Variants in BRCA1 observed in about 807,000 individuals in gnomAD.
BRCA1 encodes breast cancer type 1 susceptibility protein.
A neutral mutation model predicts 173.7 loss-of-function variants in BRCA1; 140 were observed. That is an observed-to-expected ratio of 0.81 (90% confidence interval 0.70 to 0.93). The LOEUF (loss-of-function observed/expected upper bound fraction) is 0.93. Ranked by LOEUF, BRCA1 falls within the 40% of genes least tolerant of loss-of-function variation. The pLI, the probability that BRCA1 is intolerant of heterozygous loss-of-function variation, is 0.00. For missense variants in BRCA1, 1,983 were observed against 2,172.5 expected (o/e 0.91, Z 1.73); for synonymous variants, 662 against 756.0 (o/e 0.88, Z 2.04).
intron 16 of BRCA1, among the ~76,000 whole-genome samples, chr17:43,066,350 T>A (rs2052069082): frequency 6.6e-6 from 1 of 152,176 alleles, no homozygotes; most frequent in Admixed American, 6.6e-5. Flanking sequence ...TGAAAAACTC[T>A]CAACAATACT....
chr17:43,117,410 C>G (rs1480784904), intron 2 of BRCA1, among the ~76,000 whole-genome samples: 1 of 152,052 alleles, frequency 6.6e-6, no homozygotes, highest in Admixed American at 6.6e-5. Flanking sequence ...TGCCACTGCA[C>G]TCCAGCCTAG....
At chr17:43,144,270 GC>G in intron 1 of BRCA1, 1 of 302,000 alleles carries the variant, frequency 3.3e-6, no homozygotes. Context: ...AGGGCGAAAA[GC>G]CCCCTACCAT....
intron 1 of BRCA1, chr17:43,139,721 CTGT>C (rs2056059990): frequency 1.6e-5 from 6 of 381,586 alleles, no homozygotes; most frequent in African/African-American, 4.2e-5. Flanking sequence ...GGCCCAGTGT[CTGT>C]TGTTCCCTTC....
intron 3 of BRCA1, among the ~76,000 whole-genome samples, chr17:43,114,817 T>C (rs1248351075): frequency 3.9e-5 from 6 of 152,180 alleles, no homozygotes; most frequent in African/African-American, 1.4e-4. Flanking sequence ...ATGTGAGCCA[T>C]AGCTTAACAT....
At chr17:43,053,474 A>G (rs1315896245) in intron 19 of BRCA1, among the ~76,000 whole-genome samples, 1 of 151,790 alleles carries the variant, frequency 6.6e-6, no homozygotes, top group East Asian at 2.0e-4. Context: ...CATCCCGTCT[A>G]ACACAGTGAA....
intron 17 of BRCA1, 80 bp from the exon 18 acceptor site, chr17:43,063,453 C>T (rs2051883393): frequency 8.9e-7 from 1 of 1,128,060 alleles, no homozygotes; most frequent in African/African-American, 1.5e-5. Context: ...GTCAGCGATT[C>T]ACAAAAGAGC....
At chr17:43,051,638 CTT>C (rs1163251551) in intron 19 of BRCA1, among the ~76,000 whole-genome samples, 11 of 141,050 alleles carry the variant, frequency 7.8e-5, no homozygotes, top group Admixed American at 7.1e-5. Context: ...TCTCCTCTGA[CTT>C]TTTTTTTTTT....
At chr17:43,145,210 G>C in intron 1 of BRCA1, 1 of 709,080 alleles carries the variant, frequency 1.4e-6, no homozygotes, top group Non-Finnish European at 2.7e-6. Flanking sequence ...AAACTGAGGA[G>C]AGTCCAGCCT....
At position 43,093,850 on chromosome 17, in the gene BRCA1, A is replaced by AATCACCTTTTGTTTTATTCTCATG. The variant is rs2053901411; in HGVS notation, c.1657_1680dup (p.His553_Asp560dup). The AATCACCTTTTGTTTTATTCTCATG allele has an allele frequency of 6.2e-7, 1 of 1,613,574 alleles. No individual in the cohort carries two copies. The highest frequency in any genetic ancestry group is 8.5e-7 in the Non-Finnish European group (1 of 1,179,940). ...TTAGGATTTTTCTCATTCTGAATAG[A>AATCACCTTTTGTTTTATTCTCATG]ATCACCTTTTGTTTTATTCTCATGA... On this transcript the variant is annotated inframe_insertion, in exon 10 of 23. Coordinates refer to ENST00000357654, the MANE Select transcript of BRCA1 (RefSeq NM_007294.4).
Position 43,082,547 on chromosome 17 carries a change from A to G in BRCA1, c.4214T>C (p.Ile1405Thr). 6.2e-7 allele frequency: 1 copy of G among 1,614,206 alleles called. No homozygotes were observed. Among genetic ancestry groups the G allele is most frequent in the Non-Finnish European group, 8.5e-7 (1 of 1,180,034 alleles). The change falls in exon 12 of 23, where the codon ATA becomes ACA. Residue 1405 changes from isoleucine (I) to threonine (T), a missense_variant. By Grantham distance (89) the Ile-to-Thr change is moderately conservative. Coordinates refer to ENST00000357654, the MANE Select transcript of BRCA1 (RefSeq NM_007294.4). ...QQRDTMQHNL[I>T]KLQQEMAELE... ...TTCAGCCATTTCCTGCTGGAGCTTT[A>G]TCAGGTTATGTTGCATGGTATCCCT...
At chr17:43,102,448 T>C in intron 6 of BRCA1, among the ~76,000 whole-genome samples, 1 of 143,322 alleles carries the variant, frequency 7.0e-6, no homozygotes, top group African/African-American at 2.6e-5. Flanking sequence ...CCTCCGACTC[T>C]CAGGTTCAAG....
chr17:43,070,514 A>G (rs1446489420), intron 15 of BRCA1, among the ~76,000 whole-genome samples: 1 of 152,218 alleles, frequency 6.6e-6, no homozygotes, highest in East Asian at 1.9e-4. Flanking sequence ...AAATGCTACT[A>G]TCTGGCAGTA....
At chr17:43,056,101 A>G (rs1344322977) in intron 19 of BRCA1, among the ~76,000 whole-genome samples, 1 of 152,150 alleles carries the variant, frequency 6.6e-6, no homozygotes, top group East Asian at 1.9e-4. Context: ...TACATAGCTC[A>G]TAGAGTTGTC....
At chr17:43,079,458 C>A (rs541449811) in intron 12 of BRCA1, 23 of 1,452,526 alleles carry the variant, frequency 1.6e-5, no homozygotes, top group Non-Finnish European at 2.2e-5. Context: ...AAAAGGAATG[C>A]CCCACAAGTG....
chr17:43,092,017 C>A lies in BRCA1; in HGVS notation c.3514G>T (p.Glu1172Ter), dbSNP rs397509079. 6.2e-7 allele frequency: 1 copy of A among 1,614,040 alleles called. No homozygotes were observed. Residue 1172 changes from glutamate (E) to a stop codon, truncating the protein, a stop_gained, in exon 10 of 23, where the codon GAA becomes TAA. Transcript: ENST00000357654. LOFTEE classifies it high-confidence loss of function. ...CTTTTGCTAAAAACAGCAGAACTTT[C>A]CTTAATGTCATTTTCAGCAAAACTA... ...DTSFAENDIK[E>*]SSAVFSKSVQ...
At chr17:43,130,641 G>T (rs1321994382) in intron 1 of BRCA1, among the ~76,000 whole-genome samples, 1 of 152,154 alleles carries the variant, frequency 6.6e-6, no homozygotes. Flanking sequence ...ATATTTGAAT[G>T]ACATTTTGAA....
At chr17:43,104,388 G>T (rs2054648946) in intron 5 of BRCA1, 127 bp from the exon 6 acceptor site, 1 of 1,069,756 alleles carries the variant, frequency 9.3e-7, no homozygotes, top group Non-Finnish European at 1.3e-6. Flanking sequence ...AAGGTTACCT[G>T]TGATTTTTTT....
chr17:43,071,179 G>A lies in BRCA1; in HGVS notation c.4735C>T (p.Pro1579Ser), dbSNP rs145466894. ...GACTCTGGGGCTCTGTCTTCAGAAG[G>A]ATCAGATTCAGGGTCATCAGAGAAG... ...SLFSDDPESD[P>S]SEDRAPESAR... is the part of the protein sequence containing the mutation. The change falls in exon 15 of 23, where the codon CCT (proline) becomes TCT (serine). Residue 1579 changes from proline to serine, a missense_variant. Pro to Ser is a moderately conservative substitution (Grantham distance 74, BLOSUM62 -1). Transcript: ENST00000357654. 1.9e-6 allele frequency: 3 copies of A among 1,614,060 alleles called. No homozygotes were observed.
chr17:43,063,016 G>C (rs1446592555), intron 18 of BRCA1, among the ~76,000 whole-genome samples: 1 of 151,882 alleles, frequency 6.6e-6, no homozygotes, highest in Admixed American at 6.6e-5. Context: ...TCAGCCTCCC[G>C]AGTAGCTGGA....
Sources: gnomAD v4.1 joint callset for allele counts (sites outside exome capture counted in the v4.1 genomes callset) on GRCh38, gnomAD v4.1.1 for gene constraint, MANE v1.5 for transcripts, NCBI Gene and HGNC (gene_info 2026-07-23, HGNC 2026-07-21) for gene names.